The following ZBTB6 variants were observed in gnomAD, a reference collection of about 807,000 sequenced individuals.
ZBTB6 encodes the protein zinc finger and BTB domain-containing protein 6.
In ZBTB6, 11 loss-of-function variants were observed where a neutral mutation model predicts 30.6. The ratio of observed to expected loss-of-function variants is 0.36; its 90% CI spans 0.23 to 0.60. The LOEUF (loss-of-function observed/expected upper bound fraction) is 0.60. ZBTB6 is among the 20% of genes least tolerant of loss of function. ZBTB6 has a pLI of 0.75. For synonymous variants in ZBTB6, 174 were observed against 172.0 expected, an observed-to-expected ratio of 1.01 and a Z score of -0.09; for missense variants, 380 against 489.4, an observed-to-expected ratio of 0.78 and a Z score of 2.11.
rs1339912093 is a variant in ZBTB6, at chr9:122,910,135, T to C, written c.*663A>G. 6.6e-6 allele frequency: 1 copy of C among 152,118 alleles called. No homozygotes were observed. Among genetic ancestry groups the C allele is most frequent in the African/African-American group, 2.4e-5 (1 of 41,426 alleles). 9.4% of individuals were successfully genotyped at this position (152,118 alleles called of 1,614,324 possible). ...TTAAATCCGATTGTATTAAATAAAA[T>C]CAAGAAACTCGGGCCCAATGAACCA... On this transcript the variant is annotated 3_prime_UTR_variant, in exon 2 of 2. Coordinates refer to ENST00000373659, the MANE Select transcript of ZBTB6 (RefSeq NM_006626.6).
Position 122,911,543 on chromosome 9 carries a change from T to A in ZBTB6, c.530A>T (p.His177Leu). The change falls in exon 2 of 2, where the codon CAT (histidine) becomes CTT (leucine). Residue 177 changes from histidine to leucine, a missense_variant. Physicochemically the swap from His to Leu is moderately conservative, Grantham distance 99 (BLOSUM62 -3). Coordinates refer to ENST00000373659, the MANE Select transcript of ZBTB6 (RefSeq NM_006626.6). The surrounding 1 kb of genome is among the most constrained non-coding windows in gnomAD (Gnocchi z 4.5). The part of the protein sequence containing the change: ...SEDSPVNIDF[H>L]VKEEESNALQ... ...AGCATTGCTTTCCTCTTCTTTAACA[T>A]GGAAATCTATGTTTACAGGACTATC... 6.2e-7 allele frequency: 1 copy of A among 1,613,984 alleles called. No homozygotes were observed. The highest frequency in any genetic ancestry group is 8.5e-7 in the Non-Finnish European group (1 of 1,180,014).
In ZBTB6 at chr9:122,911,875, CTG is replaced by C; in HGVS notation, c.196_197del (p.Gln66ValfsTer28). 6.2e-7 allele frequency: 1 copy of C among 1,614,196 alleles called. No individual in the cohort carries two copies. Among genetic ancestry groups the C allele is most frequent in the South Asian group, 1.1e-5 (1 of 91,082 alleles). ...AGATGGTGATTCTGACATGTTTTGA[CTG>C]TGTGAGTAAAAACTGATCTCTCATA... is the stretch of plus-strand genomic sequence containing the variant. ...TFMRDQFLLTQSKHVRITILQ... is the reference protein window; with the variant it reads ...TFMRDQFLLTXSKHVRITILQ... On this transcript the variant is annotated frameshift_variant, in exon 2 of 2. Coordinates refer to ENST00000373659, the MANE Select transcript of ZBTB6 (RefSeq NM_006626.6). LOFTEE classifies it high-confidence loss of function. This position sits in a 1 kb window ranked among gnomAD's most constrained non-coding sequence, Gnocchi z 4.5.
Position 122,911,543 on chromosome 9 carries a change from T to C in ZBTB6, c.530A>G (p.His177Arg). Reference protein sequence around the residue: ...SEDSPVNIDFHVKEEESNALQ... With the variant: ...SEDSPVNIDFRVKEEESNALQ... ...AGCATTGCTTTCCTCTTCTTTAACA[T>C]GGAAATCTATGTTTACAGGACTATC... Residue 177 changes from histidine (H) to arginine (R), a missense_variant, in exon 2 of 2, where the codon CAT becomes CGT. Transcript: ENST00000373659. This position sits in a 1 kb window ranked among gnomAD's most constrained non-coding sequence, Gnocchi z 4.5. The C allele has an allele frequency of 1.2e-6, 2 of 1,613,984 alleles. No individual in the cohort carries two copies. The highest frequency in any genetic ancestry group is 1.7e-6 in the Non-Finnish European group (2 of 1,180,014).
Position 122,908,542 on chromosome 9 carries a change from A to G in ZBTB6, c.*2256T>C, listed in dbSNP as rs1832923926. The G allele has an allele frequency of 6.6e-6, 1 of 152,570 alleles. No individual in the cohort carries two copies. The highest frequency in any genetic ancestry group is 1.5e-5 in the Non-Finnish European group (1 of 68,006). 9.5% of individuals were successfully genotyped at this position (152,570 alleles called of 1,614,324 possible). On this transcript the variant is annotated 3_prime_UTR_variant, in exon 2 of 2. Transcript: ENST00000373659. Reference sequence around the variant, plus strand: ...CATAGTTTCAACCAATTTTTTTTCAAATATCCAAGATAGTAGATACTAATT... The same window carrying G: ...CATAGTTTCAACCAATTTTTTTTCAGATATCCAAGATAGTAGATACTAATT...
chr9:122,910,759 G>C lies in ZBTB6; in HGVS notation c.*39C>G, dbSNP rs754895818. 3 of 1,525,996 alleles carry C rather than the reference G, an allele frequency of 2.0e-6. No individual in the cohort carries two copies. Among genetic ancestry groups the C allele is most frequent in the Non-Finnish European group, 1.8e-6 (2 of 1,123,954 alleles). The allele number at this position is 1,525,996 out of a possible 1,614,324, so 94.5% of individuals were successfully genotyped here. On this transcript the variant is annotated 3_prime_UTR_variant, in exon 2 of 2. Transcript: ENST00000373659. The stretch of plus-strand genomic sequence containing the variant: ...TCTCTACAGAAAGACTTGCGTAATA[G>C]AATAATACAAACTTTATATAACAAG...
At position 122,912,058 on chromosome 9, in the gene ZBTB6, A is replaced by C; in HGVS notation, c.15T>G (p.Ser5=). The C allele has an allele frequency of 1.2e-6, 2 of 1,612,156 alleles. No homozygotes were observed. The highest frequency in any genetic ancestry group is 1.7e-6 in the Non-Finnish European group (2 of 1,178,760). Residue 5 remains serine (S), a synonymous_variant, in exon 2 of 2, where the codon TCT becomes TCG. Transcript: ENST00000373659. MAAE[S]DVLHFQFEQQ... ...GTTCAAACTGGAAATGCAGAACATC[A>C]GACTCAGCAGCCATGATCACAATCT...
rs1190471561 is a variant in ZBTB6 at position 122,911,481 on chromosome 9, TTC to T, written c.590_591del (p.Arg197LysfsTer16). 1.2e-6 allele frequency: 2 copies of T among 1,614,200 alleles called. No homozygotes were observed. On this transcript the variant is annotated frameshift_variant, in exon 2 of 2. Coordinates refer to ENST00000373659, the MANE Select transcript of ZBTB6 (RefSeq NM_006626.6). LOFTEE classifies it high-confidence loss of function. The surrounding 1 kb of genome is among the most constrained non-coding windows in gnomAD (Gnocchi z 4.5). ...GACAGCTCTGGTGACTTCATTTCCT[TTC>T]TCTCTGATGTCAGACTCTCTACTGT... is the stretch of plus-strand genomic sequence containing the variant. ...QSTVESLTSERKEMKSPELST... is the reference protein window; with the variant it reads ...QSTVESLTSEXKEMKSPELST...
Position 122,911,067 on chromosome 9 carries a change from T to G in ZBTB6, c.1006A>C (p.Thr336Pro). The change falls in exon 2 of 2, where the codon ACA (threonine) becomes CCA (proline). Residue 336 changes from threonine (T) to proline (P), a missense_variant. By Grantham distance (38) the Thr-to-Pro change is conservative (BLOSUM62 -1). Transcript: ENST00000373659. The surrounding 1 kb of genome is among the most constrained non-coding windows in gnomAD (Gnocchi z 4.5). ...FLCLQCGKTF[T>P]QKKNLNRHIR... ...TGTCGGTTGAGATTTTTCTTCTGTGTAAATGTTTTTCCGCACTGTAAGCAT... is the reference window on the plus strand; with the variant it reads ...TGTCGGTTGAGATTTTTCTTCTGTGGAAATGTTTTTCCGCACTGTAAGCAT... 2 of 1,614,200 alleles carry G rather than the reference T, an allele frequency of 1.2e-6. No homozygotes were observed. Among genetic ancestry groups the G allele is most frequent in the Non-Finnish European group, 1.7e-6 (2 of 1,180,044 alleles).
At chr9:122,912,143 A>G (rs1003390406) in intron 1 of ZBTB6, 62 bp from the exon 2 acceptor site, 3 of 1,499,986 alleles carry the variant, frequency 2.0e-6, no homozygotes, top group Non-Finnish European at 1.8e-6. Flanking sequence ...CCCATGCTGT[A>G]ATGGTGAAAA....
chr9:122,910,360 C>CTGT lies in ZBTB6; in HGVS notation c.*435_*437dup, dbSNP rs1356188014. On this transcript the variant is annotated 3_prime_UTR_variant, in exon 2 of 2. Transcript: ENST00000373659. Reference sequence around the variant, plus strand: ...TAAAAAAAAATTTTTTTAGTGCCATCTGTTCTAAAGTGACTAGAAACAGGT... The same window carrying CTGT: ...TAAAAAAAAATTTTTTTAGTGCCATCTGTTGTTCTAAAGTGACTAGAAACAGGT... The CTGT allele has an allele frequency of 6.5e-6, 1 of 152,766 alleles. No individual in the cohort carries two copies. The highest frequency in any genetic ancestry group is 6.5e-5 in the Admixed American group (1 of 15,292). 9.5% of individuals were successfully genotyped at this position (152,766 alleles called of 1,614,324 possible).
chr9:122,910,549 A>C lies in ZBTB6; in HGVS notation c.*249T>G. On this transcript the variant is annotated 3_prime_UTR_variant, in exon 2 of 2. Transcript: ENST00000373659. ...AGAATCAAGAATATATAAGAGAGGA[A>C]CACTATTTCTCTAGGGATACTACTG... 1 of 389,492 alleles carries C rather than the reference A, an allele frequency of 2.6e-6. No homozygotes were observed. Among genetic ancestry groups the C allele is most frequent in the East Asian group, 4.1e-5 (1 of 24,108 alleles). 24.1% of individuals were successfully genotyped at this position (389,492 alleles called of 1,614,324 possible).
In ZBTB6 at chr9:122,909,803, T is replaced by C. The variant is rs1464516252; in HGVS notation, c.*995A>G. The C allele has an allele frequency of 6.6e-6, 1 of 152,104 alleles. No homozygotes were observed. Among genetic ancestry groups the C allele is most frequent in the Non-Finnish European group, 1.5e-5 (1 of 68,016 alleles). 9.4% of individuals were successfully genotyped at this position (152,104 alleles called of 1,614,324 possible). A position where few individuals can be genotyped will look rare whatever the true frequency, so the allele number is the denominator to read the frequency against. ...ATATGACAGTCCAGAAAAGGCAAAA[T>C]AATAGTGACGGAGAACTGTTGCCAG... is the stretch of plus-strand genomic sequence containing the variant. On this transcript the variant is annotated 3_prime_UTR_variant, in exon 2 of 2. Transcript: ENST00000373659.
At chr9:122,913,096 T>A (rs1411524168) in intron 1 of ZBTB6, among the ~76,000 whole-genome samples, 155 bp downstream of exon 1, 1 of 152,182 alleles carries the variant, frequency 6.6e-6, no homozygotes, top group Non-Finnish European at 1.5e-5. Flanking sequence ...CACACAGGTA[T>A]TCTGGAGGCA....
rs1412565706 is a variant in ZBTB6 at position 122,910,312 on chromosome 9, T to G, written c.*486A>C. 6.6e-6 allele frequency: 1 copy of G among 152,602 alleles called. No homozygotes were observed. The highest frequency in any genetic ancestry group is 1.5e-5 in the Non-Finnish European group (1 of 68,358). 9.5% of individuals were successfully genotyped at this position (152,602 alleles called of 1,614,324 possible). A position where few individuals can be genotyped will look rare whatever the true frequency, so the allele number is the denominator to read the frequency against. On this transcript the variant is annotated 3_prime_UTR_variant, in exon 2 of 2. Transcript: ENST00000373659. ...AAGTATCTTGGTGTTTAGTTTGGAA[T>G]CCAAGAACAGCTGGTAAAAAGTTAA... is the stretch of plus-strand genomic sequence containing the variant.
chr9:122,911,652 C>T lies in ZBTB6; in HGVS notation c.421G>A (p.Asp141Asn), dbSNP rs1227203866. The change falls in exon 2 of 2, where the codon GAC (aspartate) becomes AAC (asparagine). Residue 141 changes from aspartate to asparagine, a missense_variant. Transcript: ENST00000373659. This position sits in a 1 kb window ranked among gnomAD's most constrained non-coding sequence, Gnocchi z 4.5. ...LSMKNNNQHTDLCQSSDPDVK... is the reference protein window; with the variant it reads ...LSMKNNNQHTNLCQSSDPDVK... ...TCAGGATCAGAAGACTGACACAGGT[C>T]AGTGTGTTGGTTGTTGTTTTTCATA... 1 of 1,613,428 alleles carries T rather than the reference C, an allele frequency of 6.2e-7. No homozygotes were observed. The highest frequency in any genetic ancestry group is 1.1e-5 in the South Asian group (1 of 91,060).
chr9:122,913,197 C>G (rs1832972205), intron 1 of ZBTB6, 54 bp downstream of exon 1: 4 of 956,526 alleles, frequency 4.2e-6, no homozygotes, highest in Non-Finnish European at 5.0e-6. Flanking sequence ...TCCTCCTCCT[C>G]CTCCTCTTCC....
chr9:122,909,145 A>G lies in ZBTB6; in HGVS notation c.*1653T>C, dbSNP rs1832930174. 1 of 152,218 alleles carries G rather than the reference A, an allele frequency of 6.6e-6. No individual in the cohort carries two copies. The highest frequency in any genetic ancestry group is 1.5e-5 in the Non-Finnish European group (1 of 68,024). The allele number at this position is 152,218 out of a possible 1,614,324, so 9.4% of individuals were successfully genotyped here. On this transcript the variant is annotated 3_prime_UTR_variant, in exon 2 of 2. Coordinates refer to ENST00000373659, the MANE Select transcript of ZBTB6 (RefSeq NM_006626.6). ...GAATGTCTTTCCCACAAAATTGTCAAAAAAAGGTTAACACTTATAACAACG... is the reference window on the plus strand; with the variant it reads ...GAATGTCTTTCCCACAAAATTGTCAGAAAAAGGTTAACACTTATAACAACG...
At chr9:122,912,562 T>C (rs1266254870) in intron 1 of ZBTB6, among the ~76,000 whole-genome samples, 1 of 152,194 alleles carries the variant, frequency 6.6e-6, no homozygotes, top group African/African-American at 2.4e-5. Context: ...GTCTTCTTTA[T>C]ACCACACTCT....
In ZBTB6 at chr9:122,912,063, C is replaced by T; in HGVS notation, c.10G>A (p.Glu4Lys). 1 of 1,610,440 alleles carries T rather than the reference C, an allele frequency of 6.2e-7. No individual in the cohort carries two copies. The highest frequency in any genetic ancestry group is 8.5e-7 in the Non-Finnish European group (1 of 1,177,842). ...AACTGGAAATGCAGAACATCAGACT[C>T]AGCAGCCATGATCACAATCTAAGCA... MAA[E>K]SDVLHFQFEQ... The change falls in exon 2 of 2, where the codon GAG (glutamate) becomes AAG (lysine). Residue 4 changes from glutamate (E) to lysine (K), a missense_variant. Physicochemically the swap from Glu to Lys is moderately conservative, Grantham distance 56. Transcript: ENST00000373659.
Sources: allele counts gnomAD v4.1 joint callset (sites outside exome capture counted in the v4.1 genomes callset), GRCh38; gene constraint gnomAD v4.1.1; non-coding constraint Gnocchi (gnomAD v3.1); transcripts MANE v1.5; gene names NCBI Gene and HGNC (gene_info 2026-07-23, HGNC 2026-07-21).